The following H2BN1 variants were observed in gnomAD, a reference collection of about 807,000 sequenced individuals.
H2BN1 encodes histone H2B.N.
the H2BN1 span, among the ~76,000 whole-genome samples, chr17:32,901,057 A>T: frequency 1.3e-5 from 2 of 151,998 alleles, no homozygotes; most frequent in African/African-American, 4.8e-5. Context: ...AAAATACAAA[A>T]ATTAGCTGGG....
the H2BN1 span, among the ~76,000 whole-genome samples, chr17:32,897,630 G>A: frequency 6.6e-6 from 1 of 152,238 alleles, no homozygotes; most frequent in Non-Finnish European, 1.5e-5. Context: ...TAGTAAGTGT[G>A]TGTGGAACAC....
At chr17:32,905,980 T>C in the H2BN1 span, among the ~76,000 whole-genome samples, 7 of 152,230 alleles carry the variant, frequency 4.6e-5, no homozygotes, top group African/African-American at 1.7e-4. Flanking sequence ...TTTTACAGTA[T>C]AACAGCCTGT....
the H2BN1 span, among the ~76,000 whole-genome samples, chr17:32,899,691 CAGAT>C: frequency 1.3e-5 from 2 of 152,036 alleles, no homozygotes; most frequent in African/African-American, 2.4e-5. Flanking sequence ...CTGGAGAAGT[CAGAT>C]AGAGAGAAAC....
chr17:32,899,818 A>G, the H2BN1 span, among the ~76,000 whole-genome samples: 1 of 152,246 alleles, frequency 6.6e-6, no homozygotes. Context: ...GATCAGCAAT[A>G]AAGTTTTAAG....
At chr17:32,903,288 C>T in the H2BN1 span, among the ~76,000 whole-genome samples, 48 of 151,570 alleles carry the variant, frequency 3.2e-4, 1 homozygote, top group Middle Eastern at 6.9e-3. Context: ...TTTTTTTTTC[C>T]TATCTTAGAC....
chr17:32,901,896 A>G, the H2BN1 span, among the ~76,000 whole-genome samples: 1 of 152,282 alleles, frequency 6.6e-6, no homozygotes, highest in East Asian at 1.9e-4. Context: ...ATTTCTAGAA[A>G]GATCATTATA....
At chr17:32,904,760 C>CTT in the H2BN1 span, among the ~76,000 whole-genome samples, 1,246 of 143,914 alleles carry the variant, frequency 8.7e-3, 16 homozygotes, top group African/African-American at 0.03. Flanking sequence ...AATGAAAGAA[C>CTT]TTTTTTTTTT....
At chr17:32,896,113 A>T in the H2BN1 span, among the ~76,000 whole-genome samples, 1 of 152,006 alleles carries the variant, frequency 6.6e-6, no homozygotes, top group South Asian at 2.1e-4. Flanking sequence ...ATAGGGTCTC[A>T]CTACGTTTCC....
chr17:32,897,317 C>T, the H2BN1 span, among the ~76,000 whole-genome samples: 4 of 151,124 alleles, frequency 2.6e-5, no homozygotes, highest in East Asian at 3.9e-4. Flanking sequence ...CTCTCATCCC[C>T]CATCTCCCCC....
chr17:32,903,729 G>A, the H2BN1 span, among the ~76,000 whole-genome samples: 4 of 152,304 alleles, frequency 2.6e-5, no homozygotes, highest in Admixed American at 6.5e-5. Context: ...TTTCTCTAAT[G>A]TAAGTGTGTA....
chr17:32,897,221 G>T, the H2BN1 span, among the ~76,000 whole-genome samples: 1 of 152,118 alleles, frequency 6.6e-6, no homozygotes, highest in Admixed American at 6.5e-5. Flanking sequence ...CGGTGGGAGA[G>T]TGTTGAGGAG....
chr17:32,895,611 G>C, the H2BN1 span, among the ~76,000 whole-genome samples: 2 of 152,226 alleles, frequency 1.3e-5, no homozygotes, highest in Non-Finnish European at 2.9e-5. Context: ...AAGCAAGTGA[G>C]TTGGTGCACT....
chr17:32,902,189 A>G, the H2BN1 span, among the ~76,000 whole-genome samples: 1 of 150,950 alleles, frequency 6.6e-6, no homozygotes, highest in African/African-American at 2.4e-5. Context: ...ATCTTGTTTT[A>G]TACATAACCT....
chr17:32,903,381 C>T, the H2BN1 span, among the ~76,000 whole-genome samples: 65 of 151,964 alleles, frequency 4.3e-4, no homozygotes, highest in Non-Finnish European at 6.3e-4. Flanking sequence ...AAGGAAACAA[C>T]TCGGGTAAAA....
At chr17:32,903,081 G>C in the H2BN1 span, among the ~76,000 whole-genome samples, 1 of 151,932 alleles carries the variant, frequency 6.6e-6, no homozygotes, top group African/African-American at 2.4e-5. Flanking sequence ...ACATAAACTT[G>C]AAAGAGCATT....
chr17:32,904,936 C>T, the H2BN1 span, among the ~76,000 whole-genome samples: 171 of 151,956 alleles, frequency 1.1e-3, 1 homozygote, highest in South Asian at 1.7e-3. Context: ...GAAGAAAGAC[C>T]GGAACAAACA....
chr17:32,895,855 C>T, the H2BN1 span, among the ~76,000 whole-genome samples: 2 of 152,208 alleles, frequency 1.3e-5, no homozygotes, highest in African/African-American at 2.4e-5. Context: ...GTCTCTCTCG[C>T]TCTCGTATCT....
the H2BN1 span, among the ~76,000 whole-genome samples, chr17:32,902,700 C>A: frequency 6.6e-6 from 1 of 151,920 alleles, no homozygotes; most frequent in Admixed American, 6.6e-5. Flanking sequence ...ATTAGCCAGG[C>A]GTGGTGGTGG....
chr17:32,905,095 A>G, the H2BN1 span, among the ~76,000 whole-genome samples: 1 of 152,184 alleles, frequency 6.6e-6, no homozygotes. Flanking sequence ...GCTTTCTACC[A>G]TCCTAGAAGC....
Sources: gnomAD v4.1 joint callset for allele counts (sites outside exome capture counted in the v4.1 genomes callset) on GRCh38, gnomAD v4.1.1 for gene constraint, MANE v1.5 for transcripts, NCBI Gene and HGNC (gene_info 2026-07-23, HGNC 2026-07-21) for gene names.